Variants in KNCN observed in about 807,000 individuals in gnomAD.
The protein encoded by KNCN is kinocilin.
In KNCN, 11 loss-of-function variants were observed where a neutral mutation model predicts 10.4. That is an observed-to-expected ratio of 1.06 (90% CI 0.67 to 1.75). The LOEUF is 1.75. KNCN is among the 40% of genes most tolerant of loss of function. KNCN has a pLI of 0.00. For synonymous variants in KNCN, 67 were observed against 71.6 expected (o/e 0.94, Z 0.33); for missense variants, 172 against 167.1 (o/e 1.03, Z -0.16).
At position 46,551,345 on chromosome 1, in the gene KNCN, A is replaced by G. The variant is rs369077356; in HGVS notation, c.-130T>C. On this transcript the variant is annotated 5_prime_UTR_variant, in exon 1 of 4. Transcript: ENST00000481882. The surrounding 1 kb of genome is among the most constrained non-coding windows in gnomAD (Gnocchi z 4.0). ...AGGGTAGGAGTTTCTGGGCAGTAAG[A>G]TGATAGGTGGGGAACCCTGGGATTT... is the stretch of plus-strand genomic sequence containing the variant. 26 of 1,030,016 alleles carry G rather than the reference A, an allele frequency of 2.5e-5. No homozygotes were observed. In the East Asian group the frequency reaches 4.6e-4, roughly 18 times the overall value. The allele number at this position is 1,030,016 out of a possible 1,614,324, so 63.8% of individuals were successfully genotyped here. A position where few individuals can be genotyped will look rare whatever the true frequency, so the allele number is the denominator to read the frequency against.
rs1384606218 is a variant in KNCN at position 46,549,191 on chromosome 1, ACCTT to A, written c.293_295+1del. 1.2e-6 allele frequency: 2 copies of A among 1,607,576 alleles called. No individual in the cohort carries two copies. Among genetic ancestry groups the A allele is most frequent in the East Asian group, 4.5e-5 (2 of 44,800 alleles). ...ATGGACTCGGGAATTTCTGGAACTT[ACCTT>A]CCTTGTTGCCATTGGTGCTGGATCT... On this transcript the variant is annotated splice_donor_variant and coding_sequence_variant, in exon 3 of 4. Transcript: ENST00000481882. LOFTEE classifies it high-confidence loss of function.
intron 2 of KNCN, among the ~76,000 whole-genome samples, chr1:46,549,511 T>C (rs901030018): frequency 9.2e-5 from 14 of 152,186 alleles, no homozygotes; most frequent in African/African-American, 3.4e-4. Flanking sequence ...ACTGGGGCCA[T>C]GAGAAGCCCC....
In KNCN at chr1:46,549,089, C is replaced by T. The variant is rs536905530; in HGVS notation, c.295+104G>A. 98 of 821,462 alleles carry T rather than the reference C, an allele frequency of 1.2e-4. No individual in the cohort carries two copies. The Middle Eastern group carries it at 2.0e-3, about 17-fold the overall frequency. The allele number at this position is 821,462 out of a possible 1,614,324, so 50.9% of individuals were successfully genotyped here. A position where few individuals can be genotyped will look rare whatever the true frequency, so the allele number is the denominator to read the frequency against. ...CCGGGAGGTGGAGGTTGCAGTGAGC[C>T]GAGATCATGCCATTGCACTCCAGCC... On this transcript the variant is annotated intron_variant, in intron 3 of 3. Transcript: ENST00000481882.
chr1:46,550,842 C>T (rs897568352), intron 1 of KNCN, among the ~76,000 whole-genome samples: 5 of 152,214 alleles, frequency 3.3e-5, no homozygotes, highest in African/African-American at 1.2e-4. Flanking sequence ...AGTGTGACGG[C>T]CAGCTCTCCT....
intron 1 of KNCN, among the ~76,000 whole-genome samples, chr1:46,550,320 C>T (rs774871822): frequency 1.3e-5 from 2 of 152,104 alleles, no homozygotes; most frequent in Non-Finnish European, 2.9e-5. Flanking sequence ...GCTGTCCCCA[C>T]GCTTCCCCAG....
At position 46,547,619 on chromosome 1, in the gene KNCN, T is replaced by G. The variant is rs1666971667; in HGVS notation, c.*111A>C. On this transcript the variant is annotated 3_prime_UTR_variant, in exon 4 of 4. Coordinates refer to ENST00000481882, the MANE Select transcript of KNCN (RefSeq NM_001322255.2). ...CACTGTTCCCAGCCGCTCTGGGGTCTGCAGGGCCTGGCTTGTCTCCGGTCC... is the reference window on the plus strand; with the variant it reads ...CACTGTTCCCAGCCGCTCTGGGGTCGGCAGGGCCTGGCTTGTCTCCGGTCC... The G allele has an allele frequency of 1.2e-6, 1 of 841,756 alleles. No homozygotes were observed. The highest frequency in any genetic ancestry group is 2.0e-5 in the Admixed American group (1 of 50,064). The allele number at this position is 841,756 out of a possible 1,614,324, so 52.1% of individuals were successfully genotyped here. A position where few individuals can be genotyped will look rare whatever the true frequency, so the allele number is the denominator to read the frequency against.
At position 46,547,569 on chromosome 1, in the gene KNCN, C is replaced by A. The variant is rs779604944; in HGVS notation, c.*161G>T. 4.2e-6 allele frequency: 3 copies of A among 719,490 alleles called. No homozygotes were observed. Among genetic ancestry groups the A allele is most frequent in the Admixed American group, 2.0e-5 (1 of 49,998 alleles). 44.6% of individuals were successfully genotyped at this position (719,490 alleles called of 1,614,324 possible). A position where few individuals can be genotyped will look rare whatever the true frequency, so the allele number is the denominator to read the frequency against. On this transcript the variant is annotated 3_prime_UTR_variant, in exon 4 of 4. Transcript: ENST00000481882. ...TCCATTTTGGAGAGGCTTGGCCGGG[C>A]GAGTGCAAAAGGCCCCATTCCAGAC...
In KNCN at chr1:46,549,141, CAAAAAAA is replaced by C. The variant is rs749743161; in HGVS notation, c.295+45_295+51del. The stretch of plus-strand genomic sequence containing the variant: ...GGGCAACACGAGCAAAACTCTGTCT[CAAAAAAA>C]AAAAAGAAAAAAGAAGGATGGACTC... On this transcript the variant is annotated intron_variant, in intron 3 of 3. Coordinates refer to ENST00000481882, the MANE Select transcript of KNCN (RefSeq NM_001322255.2). The C allele has an allele frequency of 3.8e-6, 3 of 798,024 alleles. No individual in the cohort carries two copies. The South Asian group carries it at 6.1e-5, about 16-fold the overall frequency. 49.4% of individuals were successfully genotyped at this position (798,024 alleles called of 1,614,324 possible).
rs10890404 is a variant in KNCN, at chr1:46,547,508, A to G, written c.*222T>C. 467,821 of 699,616 alleles carry G rather than the reference A, an allele frequency of 0.67. 162,745 individuals are homozygous for G. The highest frequency in any genetic ancestry group is 0.75 in the Non-Finnish European group (284,698 of 381,994). The allele number at this position is 699,616 out of a possible 1,614,324, so 43.3% of individuals were successfully genotyped here. On this transcript the variant is annotated 3_prime_UTR_variant, in exon 4 of 4. Coordinates refer to ENST00000481882, the MANE Select transcript of KNCN (RefSeq NM_001322255.2). The stretch of plus-strand genomic sequence containing the variant: ...GGGAACCCTGTGGGGGCGTCCGGCG[A>G]CACCTTGCTCCAGGTCCCAGCCCAC...
rs1421873914 is a variant in KNCN at position 46,549,958 on chromosome 1, G to T, written c.196C>A (p.Leu66Met). ...AYPFLKARFN[L>M]DHILPTIGSL... ...CCTATGGTAGGCAGGATGTGGTCCAGGTTGAACCGAGCCTTCAGGAAGGGG... is the reference window on the plus strand; with the variant it reads ...CCTATGGTAGGCAGGATGTGGTCCATGTTGAACCGAGCCTTCAGGAAGGGG... Residue 66 changes from leucine (L) to methionine (M), a missense_variant, in exon 2 of 4, where the codon CTG (leucine) becomes ATG (methionine). Coordinates refer to ENST00000481882, the MANE Select transcript of KNCN (RefSeq NM_001322255.2). The T allele has an allele frequency of 6.4e-7, 1 of 1,550,656 alleles. No individual in the cohort carries two copies. The highest frequency in any genetic ancestry group is 1.4e-5 in the African/African-American group (1 of 73,158).
In KNCN at chr1:46,547,561, T is replaced by C; in HGVS notation, c.*169A>G. On this transcript the variant is annotated 3_prime_UTR_variant, in exon 4 of 4. Coordinates refer to ENST00000481882, the MANE Select transcript of KNCN (RefSeq NM_001322255.2). ...CAGTGGAATCCATTTTGGAGAGGCTTGGCCGGGCGAGTGCAAAAGGCCCCA... is the reference window on the plus strand; with the variant it reads ...CAGTGGAATCCATTTTGGAGAGGCTCGGCCGGGCGAGTGCAAAAGGCCCCA... 1.4e-6 allele frequency: 1 copy of C among 715,862 alleles called. No homozygotes were observed. Among genetic ancestry groups the C allele is most frequent in the South Asian group, 1.5e-5 (1 of 66,870 alleles). The allele number at this position is 715,862 out of a possible 1,614,324, so 44.3% of individuals were successfully genotyped here.
At chr1:46,549,802 T>C in intron 2 of KNCN, 132 bp downstream of exon 2, 1 of 1,488,672 alleles carries the variant, frequency 6.7e-7, no homozygotes, top group Admixed American at 2.0e-5. Context: ...ACACAGCAGC[T>C]CTAACACAGA....
rs774789186 is a variant in KNCN at position 46,547,728 on chromosome 1, C to T, written c.*2G>A. On this transcript the variant is annotated 3_prime_UTR_variant, in exon 4 of 4. Coordinates refer to ENST00000481882, the MANE Select transcript of KNCN (RefSeq NM_001322255.2). ...GGCATGGGCAGCCGCTCAGACTTTG[C>T]CTCAGCATTCCTCAGCCCCCCGGGT... is the stretch of plus-strand genomic sequence containing the variant. 412 of 1,498,304 alleles carry T rather than the reference C, an allele frequency of 2.7e-4. 1 individual carries two copies. Among genetic ancestry groups the T allele is most frequent in the Non-Finnish European group, 5.3e-5 (60 of 1,122,162 alleles). 92.8% of individuals were successfully genotyped at this position (1,498,304 alleles called of 1,614,324 possible). A position where few individuals can be genotyped will look rare whatever the true frequency, so the allele number is the denominator to read the frequency against.
chr1:46,547,075 T>G lies in KNCN; in HGVS notation c.*655A>C, dbSNP rs949516513. On this transcript the variant is annotated 3_prime_UTR_variant, in exon 4 of 4. Transcript: ENST00000481882. Reference sequence around the variant, plus strand: ...GTTAAGACACCAAGGGTCTCAGGCCTGGGCTCAGCTGAGAAGTTGCCTCCT... The same window carrying G: ...GTTAAGACACCAAGGGTCTCAGGCCGGGGCTCAGCTGAGAAGTTGCCTCCT... 3 of 303,562 alleles carry G rather than the reference T, an allele frequency of 9.9e-6. No individual in the cohort carries two copies. Among genetic ancestry groups the G allele is most frequent in the African/African-American group, 4.4e-5 (2 of 45,966 alleles). 18.8% of individuals were successfully genotyped at this position (303,562 alleles called of 1,614,324 possible).
intron 1 of KNCN, among the ~76,000 whole-genome samples, chr1:46,550,538 G>A (rs1314599702): frequency 7.0e-6 from 1 of 142,426 alleles, no homozygotes; most frequent in Non-Finnish European, 1.5e-5. Flanking sequence ...GGGGCGGGGG[G>A]TGGGGTGAGG....
At position 46,551,225 on chromosome 1, in the gene KNCN, C is replaced by A; in HGVS notation, c.-10G>T. ...TGATGGGGATGTCCATGCAGGCCCA[C>A]CCGGGGCACTGCCTCCAGCCGGTGC... On this transcript the variant is annotated 5_prime_UTR_variant, in exon 1 of 4. Transcript: ENST00000481882. The surrounding 1 kb of genome is among the most constrained non-coding windows in gnomAD (Gnocchi z 4.0). The A allele has an allele frequency of 6.2e-7, 1 of 1,601,910 alleles. No individual in the cohort carries two copies. The highest frequency in any genetic ancestry group is 8.5e-7 in the Non-Finnish European group (1 of 1,175,086).
chr1:46,550,541 GGGTGA>G (rs201440882), intron 1 of KNCN, among the ~76,000 whole-genome samples: 3,690 of 143,366 alleles, frequency 0.026, 67 homozygotes, highest in South Asian at 0.05. Context: ...GCGGGGGGTG[GGGTGA>G]GGTGAGGTGA....
rs1666925335 is a variant in KNCN, at chr1:46,545,734, G to A, written c.*1996C>T. 1 of 151,980 alleles carries A rather than the reference G, an allele frequency of 6.6e-6. No individual in the cohort carries two copies. The highest frequency in any genetic ancestry group is 1.5e-5 in the Non-Finnish European group (1 of 67,940). The allele number at this position is 151,980 out of a possible 1,614,324, so 9.4% of individuals were successfully genotyped here. On this transcript the variant is annotated 3_prime_UTR_variant, in exon 4 of 4. Coordinates refer to ENST00000481882, the MANE Select transcript of KNCN (RefSeq NM_001322255.2). Reference sequence around the variant, plus strand: ...TCGGGGATTCCATAGCCCCACCCTGGGGAGAGCATGGCTGAGAGGGGTTGA... The same window carrying A: ...TCGGGGATTCCATAGCCCCACCCTGAGGAGAGCATGGCTGAGAGGGGTTGA...
At chr1:46,549,387 C>T (rs1175210550) in intron 2 of KNCN, 120 bp from the exon 3 acceptor site, 6 of 679,584 alleles carry the variant, frequency 8.8e-6, no homozygotes, top group Non-Finnish European at 1.5e-5. Flanking sequence ...GTCTTTGCTC[C>T]ACTGCATTCC....
Sources: allele counts gnomAD v4.1 joint callset (sites outside exome capture counted in the v4.1 genomes callset), GRCh38; gene constraint gnomAD v4.1.1; non-coding constraint Gnocchi (gnomAD v3.1); transcripts MANE v1.5; gene names NCBI Gene and HGNC (gene_info 2026-07-23, HGNC 2026-07-21).